Variants in TACC2 observed in about 807,000 individuals in gnomAD.
The protein encoded by TACC2 is transforming acidic coiled-coil-containing protein 2.
TACC2 carries 137 observed loss-of-function variants against 227.3 expected under a neutral mutation model. The observed-to-expected ratio is 0.60, with a 90% CI of 0.52 to 0.69. The LOEUF is 0.69. Among genes scored for constraint, TACC2 ranks in the 30% least tolerant of loss-of-function variants. The pLI is 0.00. For missense variants in TACC2, 3,470 were observed against 3,694.4 expected (o/e 0.94, Z 1.57); for synonymous variants, 1,523 against 1,487.5 (o/e 1.02, Z -0.55).
chr10:122,021,239 A>AAGG (rs149978264), intron 1 of TACC2, among the ~76,000 whole-genome samples: 2,016 of 145,306 alleles, frequency 0.014, 62 homozygotes, highest in African/African-American at 0.051. Flanking sequence ...GAAAAAAAAA[A>AAGG]GGCGGGGGGG....
chr10:122,071,181 G>A (rs1381114762), intron 3 of TACC2, among the ~76,000 whole-genome samples: 2 of 152,172 alleles, frequency 1.3e-5, no homozygotes, highest in African/African-American at 2.4e-5. Context: ...TTAAAAACAG[G>A]TATTTTCTCT....
intron 3 of TACC2, among the ~76,000 whole-genome samples, chr10:122,057,772 GC>G (rs1039388657): frequency 2.6e-5 from 4 of 152,156 alleles, no homozygotes; most frequent in African/African-American, 9.7e-5. Context: ...GTTGGGGTGA[GC>G]CAAGATCGAG....
intron 18 of TACC2, among the ~76,000 whole-genome samples, chr10:122,241,222 A>G (rs1021092208): frequency 6.6e-6 from 1 of 152,118 alleles, no homozygotes; most frequent in Non-Finnish European, 1.5e-5. Flanking sequence ...AGGAGGTAAG[A>G]TGGATGAGGG....
chr10:122,229,330 C>T lies in TACC2; in HGVS notation c.7897-16C>T. ...CTCTATTTTTCTTGTGTGTCCTCCT[C>T]TCTGCCGGCTTTCAGACAGCTCCCG... On this transcript the variant is annotated splice_polypyrimidine_tract_variant and intron_variant, in intron 14 of 22. Coordinates refer to ENST00000369005, the MANE Select transcript of TACC2 (RefSeq NM_206862.4). 1 of 1,613,742 alleles carries T rather than the reference C, an allele frequency of 6.2e-7. No individual in the cohort carries two copies. Among genetic ancestry groups the T allele is most frequent in the East Asian group, 2.2e-5 (1 of 44,866 alleles).
At chr10:122,169,513 C>T (rs539467096) in intron 7 of TACC2, among the ~76,000 whole-genome samples, 14 of 152,194 alleles carry the variant, frequency 9.2e-5, no homozygotes, top group Admixed American at 2.6e-4. Flanking sequence ...CAGCCAGAGA[C>T]AACATGTAAA....
chr10:122,224,872 G>T lies in TACC2; in HGVS notation c.7608+85G>T. On this transcript the variant is annotated intron_variant, in intron 12 of 22. Coordinates refer to ENST00000369005, the MANE Select transcript of TACC2 (RefSeq NM_206862.4). ...TCCCCTGTGCAGAGTGTCTCTGGGA[G>T]CTCAGACCCCAAATCGAGTGTTTTC... is the stretch of plus-strand genomic sequence containing the variant. 3 of 1,108,370 alleles carry T rather than the reference G, an allele frequency of 2.7e-6. No individual in the cohort carries two copies. In the South Asian group the frequency reaches 3.9e-5, roughly 15 times the overall value. 68.7% of individuals were successfully genotyped at this position (1,108,370 alleles called of 1,614,324 possible).
intron 13 of TACC2, 65 bp from the exon 14 acceptor site, chr10:122,227,772 C>G: frequency 6.5e-7 from 1 of 1,531,670 alleles, no homozygotes; most frequent in Non-Finnish European, 8.9e-7. Context: ...GTCAGGGCAT[C>G]CTGGTTGATT....
chr10:121,993,110 A>G (rs10159582), intron 1 of TACC2, among the ~76,000 whole-genome samples: 24,259 of 152,188 alleles, frequency 0.16, 2,256 homozygotes, highest in Admixed American at 0.24. Context: ...CCTTGAGCCA[A>G]GAGTTCAAGA....
intron 3 of TACC2, among the ~76,000 whole-genome samples, chr10:122,063,401 G>A (rs2077050766): frequency 6.6e-6 from 1 of 152,204 alleles, no homozygotes; most frequent in African/African-American, 2.4e-5. Flanking sequence ...TTGGCAGGAA[G>A]TAAACACAGA....
chr10:122,088,419 G>A, intron 4 of TACC2, 59 bp from the exon 5 acceptor site: 1 of 1,433,092 alleles, frequency 7.0e-7, no homozygotes, highest in Non-Finnish European at 9.4e-7. Context: ...AATAGGACAT[G>A]AGGAGAAATG....
At chr10:122,195,281 C>T (rs947657728) in intron 8 of TACC2, 105 bp downstream of exon 8, 11 of 1,016,006 alleles carry the variant, frequency 1.1e-5, no homozygotes, top group South Asian at 3.6e-5. Flanking sequence ...AGCACTGACT[C>T]GACCTCTTGG....
chr10:122,147,821 G>A (rs1228707857), intron 7 of TACC2, among the ~76,000 whole-genome samples: 2 of 152,274 alleles, frequency 1.3e-5, no homozygotes, highest in East Asian at 3.9e-4. Context: ...CTGGCCAGCT[G>A]CCTGCCAAGA....
intron 5 of TACC2, among the ~76,000 whole-genome samples, chr10:122,089,705 A>ATTATAAATTATAGTTTTTT (rs2080520138): frequency 9.8e-5 from 15 of 152,316 alleles, no homozygotes; most frequent in African/African-American, 3.6e-4. Flanking sequence ...TTAAATTAGT[A>ATTATAAATTATAGTTTTTT]CCTGTGTACC....
At chr10:122,208,635 A>T (rs1266885166) in intron 8 of TACC2, among the ~76,000 whole-genome samples, 3 of 152,234 alleles carry the variant, frequency 2.0e-5, no homozygotes, top group Non-Finnish European at 4.4e-5. Context: ...AATCATCGAG[A>T]CATGGGACAT....
At chr10:122,158,912 G>A (rs1223087588) in intron 7 of TACC2, among the ~76,000 whole-genome samples, 2 of 152,156 alleles carry the variant, frequency 1.3e-5, no homozygotes, top group Non-Finnish European at 2.9e-5. Context: ...GGTCTCGTGC[G>A]GCATGTGTTT....
rs1346058715 is a variant in TACC2, at chr10:122,086,853, T to G, written c.4353T>G (p.Leu1451=). ...CCAGGCCATTGGGCCCAGAGAAGCTTCTAGATGGGCCTCCAGGAGTGGATG... is the reference window on the plus strand; with the variant it reads ...CCAGGCCATTGGGCCCAGAGAAGCTGCTAGATGGGCCTCCAGGAGTGGATG... ...DLTRPLGPEK[L]LDGPPGVDVT... is the part of the protein sequence containing the mutation. The change falls in exon 4 of 23, where the codon CTT becomes CTG. Residue 1451 remains leucine (L), a synonymous_variant. Transcript: ENST00000369005. The G allele has an allele frequency of 6.2e-7, 1 of 1,613,918 alleles. No homozygotes were observed. Among genetic ancestry groups the G allele is most frequent in the East Asian group, 2.2e-5 (1 of 44,864 alleles).
At chr10:122,217,007 C>A in intron 11 of TACC2, 179 bp downstream of exon 11, 1 of 1,310,086 alleles carries the variant, frequency 7.6e-7, no homozygotes, top group Non-Finnish European at 1.0e-6. Flanking sequence ...CAGCCTGAGA[C>A]TTGAAAGCAG....
At chr10:122,234,379 T>C (rs2095817390) in intron 16 of TACC2, among the ~76,000 whole-genome samples, 1 of 152,250 alleles carries the variant, frequency 6.6e-6, no homozygotes, top group Admixed American at 6.5e-5. Context: ...GTCACAGCCA[T>C]TTCACATTTC....
Position 122,254,055 on chromosome 10 carries a change from A to G in TACC2, c.8846A>G (p.Ter2949=). ...DELIAKMGKS[*] The stretch of plus-strand genomic sequence containing the variant: ...CTGATTGCCAAAATGGGGAAAAGCT[A>G]ACTCTGAACCGAATGTTTTGGACTT... Residue 2949 remains the stop codon, a stop_retained_variant, in exon 23 of 23, where the codon TAA becomes TGA. Coordinates refer to ENST00000369005, the MANE Select transcript of TACC2 (RefSeq NM_206862.4). The G allele has an allele frequency of 6.2e-7, 1 of 1,614,020 alleles. No individual in the cohort carries two copies. The highest frequency in any genetic ancestry group is 8.5e-7 in the Non-Finnish European group (1 of 1,179,844).
Sources: allele counts gnomAD v4.1 joint callset (sites outside exome capture counted in the v4.1 genomes callset), GRCh38; gene constraint gnomAD v4.1.1; transcripts MANE v1.5; gene names NCBI Gene and HGNC (gene_info 2026-07-23, HGNC 2026-07-21).